The following GABRG3 variants were observed in gnomAD, a reference collection of about 807,000 sequenced individuals.
The protein encoded by GABRG3 is gamma-aminobutyric acid type A receptor subunit gamma3.
Under a neutral mutation model 48.8 loss-of-function variants are expected in GABRG3, and 25 were observed. The ratio of observed to expected loss-of-function variants is 0.51; its 90% CI spans 0.37 to 0.72. The LOEUF is 0.72. Ranked by LOEUF, GABRG3 falls within the 30% of genes least tolerant of loss-of-function variation. The pLI, the probability that GABRG3 is intolerant of heterozygous loss-of-function variation, is 0.00. For missense variants in GABRG3, 394 were observed against 577.9 expected (o/e 0.68, Z 3.26); for synonymous variants, 227 against 217.6 (o/e 1.04, Z -0.38).
intron 3 of GABRG3, among the ~76,000 whole-genome samples, chr15:27,249,378 C>CGG (rs988234928): frequency 6.6e-5 from 10 of 152,174 alleles, no homozygotes; most frequent in African/African-American, 2.4e-4. Context: ...CCTTCCAGGT[C>CGG]GGGGGCCCCC....
intron 3 of GABRG3, among the ~76,000 whole-genome samples, chr15:27,159,692 G>A (rs866858724): frequency 3.3e-5 from 5 of 151,738 alleles, no homozygotes; most frequent in Admixed American, 2.6e-4. Context: ...TTGTTCCCCC[G>A]CTCACCTTCC....
intron 5 of GABRG3, among the ~76,000 whole-genome samples, chr15:27,357,805 A>G (rs1030601669): frequency 6.6e-6 from 1 of 152,344 alleles, no homozygotes; most frequent in Non-Finnish European, 1.5e-5. Flanking sequence ...CTTCCTTGAC[A>G]TCACATCAAA....
At chr15:27,092,459 G>A (rs2140756429) in intron 3 of GABRG3, among the ~76,000 whole-genome samples, 1 of 152,314 alleles carries the variant, frequency 6.6e-6, no homozygotes, top group Admixed American at 6.5e-5. Flanking sequence ...GGTCCTGCCT[G>A]CCTTGGACAG....
intron 5 of GABRG3, among the ~76,000 whole-genome samples, chr15:27,433,711 A>G (rs1038550526): frequency 1.1e-4 from 17 of 152,172 alleles, no homozygotes; most frequent in Admixed American, 7.9e-4. Context: ...ATGGCAAACA[A>G]TTGCTCTATC....
chr15:27,441,013 A>C (rs1888767931), intron 5 of GABRG3, among the ~76,000 whole-genome samples: 2 of 152,236 alleles, frequency 1.3e-5, no homozygotes, highest in African/African-American at 4.8e-5. Flanking sequence ...AGTCTGTTTC[A>C]GTTCAAAATA....
intron 5 of GABRG3, among the ~76,000 whole-genome samples, chr15:27,384,488 TACAC>T (rs1406656202): frequency 1.3e-5 from 2 of 152,036 alleles, no homozygotes; most frequent in African/African-American, 2.4e-5. Context: ...AAAAGTGAAA[TACAC>T]ACGCACACAC....
intron 2 of GABRG3, among the ~76,000 whole-genome samples, chr15:26,987,510 AAACGC>A (rs1895173890): frequency 1.3e-5 from 2 of 152,178 alleles, no homozygotes; most frequent in Admixed American, 6.5e-5. Flanking sequence ...GGACCAATGT[AAACGC>A]AAGATCATAG....
intron 4 of GABRG3, among the ~76,000 whole-genome samples, chr15:27,328,251 GGAACTTCAGCAAGCCAGGGC>G (rs142226387): frequency 0.042 from 6,340 of 152,190 alleles, 206 homozygotes; most frequent in South Asian, 0.11. Context: ...GACATGACAC[GGAACTTCAGCAAGCCAGGGC>G]GAAGACCTGG....
At chr15:27,110,395 T>A (rs774771986) in intron 3 of GABRG3, among the ~76,000 whole-genome samples, 1 of 152,170 alleles carries the variant, frequency 6.6e-6, no homozygotes, top group African/African-American at 2.4e-5. Flanking sequence ...TTCAAAGTTA[T>A]ATTTTAGAGC....
chr15:27,197,556 T>A (rs1009029964), intron 3 of GABRG3, among the ~76,000 whole-genome samples: 3 of 151,996 alleles, frequency 2.0e-5, no homozygotes, highest in Admixed American at 2.0e-4. Flanking sequence ...GGGTTGATGT[T>A]CTTAGGGTTG....
At chr15:27,030,384 A>G (rs1392512442) in intron 3 of GABRG3, among the ~76,000 whole-genome samples, 2 of 152,154 alleles carry the variant, frequency 1.3e-5, no homozygotes. Flanking sequence ...GTGGAGTGGA[A>G]ATGAAGTTGT....
At chr15:27,015,687 G>A (rs139609924) in intron 2 of GABRG3, among the ~76,000 whole-genome samples, 218 of 151,886 alleles carry the variant, frequency 1.4e-3, no homozygotes, top group African/African-American at 4.9e-3. Context: ...GCGCCCGGCC[G>A]TGTTTGATTT....
At chr15:27,287,462 G>T (rs1891650034) in intron 3 of GABRG3, among the ~76,000 whole-genome samples, 2 of 152,114 alleles carry the variant, frequency 1.3e-5, no homozygotes, top group Admixed American at 6.5e-5. Context: ...ATTGGGTGAG[G>T]ATATGCAAAA....
At chr15:27,140,471 C>T (rs377695554) in intron 3 of GABRG3, among the ~76,000 whole-genome samples, 7 of 152,294 alleles carry the variant, frequency 4.6e-5, no homozygotes, top group African/African-American at 1.7e-4. Flanking sequence ...TTTTTAATCT[C>T]AGTATTTAAT....
intron 3 of GABRG3, among the ~76,000 whole-genome samples, chr15:27,139,845 T>A (rs532370611): frequency 1.3e-5 from 2 of 152,142 alleles, no homozygotes; most frequent in Non-Finnish European, 2.9e-5. Flanking sequence ...GTTGAGACTT[T>A]TAGCCCCACC....
chr15:27,329,713 G>T (rs1232920821), intron 5 of GABRG3, among the ~76,000 whole-genome samples: 3 of 152,022 alleles, frequency 2.0e-5, no homozygotes. Context: ...TTTACTTATG[G>T]TAGATATCAC....
chr15:27,197,013 G>A (rs1217303338), intron 3 of GABRG3, among the ~76,000 whole-genome samples: 2 of 152,184 alleles, frequency 1.3e-5, no homozygotes, highest in African/African-American at 4.8e-5. Flanking sequence ...ATAAAAGGCG[G>A]ATGTCACACT....
intron 2 of GABRG3, among the ~76,000 whole-genome samples, chr15:27,005,687 G>A (rs1347650300): frequency 1.3e-5 from 2 of 152,068 alleles, no homozygotes; most frequent in African/African-American, 4.8e-5. Context: ...TATTCATATA[G>A]GAGCAGTCGG....
chr15:27,073,595 T>G (rs1257365166), intron 3 of GABRG3, among the ~76,000 whole-genome samples: 5 of 152,254 alleles, frequency 3.3e-5, no homozygotes, highest in Non-Finnish European at 7.3e-5. Context: ...TCCCTTTTCT[T>G]CTACTGTTTA....
Sources: gnomAD v4.1 joint callset for allele counts (sites outside exome capture counted in the v4.1 genomes callset) on GRCh38, gnomAD v4.1.1 for gene constraint, MANE v1.5 for transcripts, NCBI Gene and HGNC (gene_info 2026-07-23, HGNC 2026-07-21) for gene names.